Variants in RBFOX1 observed in about 807,000 individuals in gnomAD.
RBFOX1 encodes RNA binding protein fox-1 homolog 1.
In RBFOX1, 8 loss-of-function variants were observed where a neutral mutation model predicts 57.7. That is an observed-to-expected ratio of 0.14 (90% CI 0.08 to 0.25). The LOEUF (loss-of-function observed/expected upper bound fraction) is 0.25. Among genes scored for constraint, RBFOX1 ranks in the 10% least tolerant of loss-of-function variants. RBFOX1 has a pLI of 1.00. For missense variants in RBFOX1, 611 were observed against 548.5 expected, an observed-to-expected ratio of 1.11 and a Z score of -1.14; for synonymous variants, 326 against 222.4, an observed-to-expected ratio of 1.47 and a Z score of -4.15.
chr16:6,898,163 G>T (rs551627601), intron 3 of RBFOX1, among the ~76,000 whole-genome samples: 2 of 152,150 alleles, frequency 1.3e-5, no homozygotes, highest in Non-Finnish European at 2.9e-5. Context: ...CATAATTGAG[G>T]TCGTAGCCAA....
At chr16:7,065,312 A>C (rs944240812) in intron 4 of RBFOX1, among the ~76,000 whole-genome samples, 7 of 152,190 alleles carry the variant, frequency 4.6e-5, no homozygotes, top group Middle Eastern at 6.8e-3. Flanking sequence ...GGAGCCGTGT[A>C]ATCTGCTTTC....
chr16:6,599,660 C>T (rs1403815923), intron 2 of RBFOX1, among the ~76,000 whole-genome samples: 2 of 152,248 alleles, frequency 1.3e-5, no homozygotes, highest in African/African-American at 4.8e-5. Context: ...ATTCAGCAGC[C>T]ATATGGCAGA....
At chr16:6,702,956 A>G (rs2062086599) in intron 3 of RBFOX1, among the ~76,000 whole-genome samples, 2 of 152,142 alleles carry the variant, frequency 1.3e-5, no homozygotes. Flanking sequence ...GGCCACCAGC[A>G]TTCTGCTTTC....
intron 3 of RBFOX1, among the ~76,000 whole-genome samples, chr16:7,020,024 G>T (rs1020977918): frequency 6.6e-6 from 1 of 150,638 alleles, no homozygotes; most frequent in Non-Finnish European, 1.5e-5. Flanking sequence ...CCTCAGGAAG[G>T]CGTCTGTAGT....
intron 2 of RBFOX1, among the ~76,000 whole-genome samples, chr16:5,532,661 C>T (rs1047086988): frequency 6.6e-6 from 1 of 152,202 alleles, no homozygotes; most frequent in Non-Finnish European, 1.5e-5. Flanking sequence ...TAGCAGTTAA[C>T]CACATTTTTC....
At chr16:7,392,845 G>T (rs1197029499) in intron 4 of RBFOX1, among the ~76,000 whole-genome samples, 16 of 145,828 alleles carry the variant, frequency 1.1e-4, no homozygotes, top group Non-Finnish European at 2.4e-4. Context: ...TGTTGTTTTG[G>T]TTTGGTTTGG....
At chr16:5,816,340 A>C (rs188300280) in intron 3 of RBFOX1, among the ~76,000 whole-genome samples, 27 of 152,276 alleles carry the variant, frequency 1.8e-4, no homozygotes, top group Non-Finnish European at 2.4e-4. Context: ...CCTTCCAGGT[A>C]CTTTGGATTC....
chr16:6,871,272 C>G (rs556011704), intron 3 of RBFOX1, among the ~76,000 whole-genome samples: 2 of 152,104 alleles, frequency 1.3e-5, no homozygotes, highest in African/African-American at 4.8e-5. Context: ...TCTAACCTCC[C>G]CCTCCTGGGT....
chr16:7,297,946 TATGCACATAC>T (rs2095934924), intron 4 of RBFOX1, among the ~76,000 whole-genome samples: 3 of 152,148 alleles, frequency 2.0e-5, no homozygotes, highest in Admixed American at 6.5e-5. Flanking sequence ...CGCACATGCA[TATGCACATAC>T]TTCTGTGGAT....
chr16:7,353,854 GT>G (rs2097169443), intron 4 of RBFOX1, among the ~76,000 whole-genome samples: 1 of 152,152 alleles, frequency 6.6e-6, no homozygotes, highest in African/African-American at 2.4e-5. Flanking sequence ...TCTTTTTGAG[GT>G]GATGAAAATG....
chr16:7,091,302 T>A (rs2060812764), intron 4 of RBFOX1, among the ~76,000 whole-genome samples: 1 of 152,136 alleles, frequency 6.6e-6, no homozygotes, highest in South Asian at 2.1e-4. Flanking sequence ...GTGTTCCATT[T>A]ATTCACTGAA....
intron 4 of RBFOX1, among the ~76,000 whole-genome samples, chr16:7,488,273 T>C (rs952046754): frequency 1.3e-5 from 2 of 152,236 alleles, no homozygotes; most frequent in Non-Finnish European, 2.9e-5. Flanking sequence ...GTGAAAGGGA[T>C]GGCTGTGCAG....
At chr16:6,130,416 A>G (rs2096621553) in intron 1 of RBFOX1, among the ~76,000 whole-genome samples, 1 of 152,178 alleles carries the variant, frequency 6.6e-6, no homozygotes, top group South Asian at 2.1e-4. Flanking sequence ...AAATAAATGT[A>G]TATGTAATGC....
chr16:6,229,394 C>T (rs914685913), intron 1 of RBFOX1, among the ~76,000 whole-genome samples: 6 of 152,130 alleles, frequency 3.9e-5, no homozygotes, highest in Non-Finnish European at 7.3e-5. Flanking sequence ...TTGTGGATCT[C>T]GTTTTCCCCC....
rs1274917285 is a variant in RBFOX1, at chr16:7,392,440, C to A, written c.28-125707C>A. Among the ~76,000 whole-genome samples, 8 of 152,276 alleles carry A rather than the reference C, an allele frequency of 5.3e-5. No homozygotes were observed. In the Middle Eastern group the frequency reaches 0.017, roughly 324 times the overall value. ...AGTGTCTGGCTCCTAGTAGGTACTCCACAAGCAGTTATCAAATAAAATTGT... is the reference window on the plus strand; with the variant it reads ...AGTGTCTGGCTCCTAGTAGGTACTCAACAAGCAGTTATCAAATAAAATTGT... On this transcript the variant is annotated intron_variant, in intron 4 of 15. Coordinates refer to ENST00000550418, the MANE Select transcript of RBFOX1 (RefSeq NM_018723.4).
intron 3 of RBFOX1, among the ~76,000 whole-genome samples, chr16:5,744,833 C>G (rs2052912208): frequency 6.6e-6 from 1 of 152,176 alleles, no homozygotes; most frequent in South Asian, 2.1e-4. Context: ...TCTCAGCTCA[C>G]TGCAACTTCT....
At chr16:7,290,010 C>T (rs986358311) in intron 4 of RBFOX1, among the ~76,000 whole-genome samples, 5 of 152,140 alleles carry the variant, frequency 3.3e-5, no homozygotes, top group Non-Finnish European at 7.3e-5. Context: ...TATTATTTTT[C>T]TTCATAGGAG....
intron 3 of RBFOX1, among the ~76,000 whole-genome samples, chr16:6,852,001 C>G (rs1327997120): frequency 6.6e-6 from 1 of 150,580 alleles, no homozygotes; most frequent in East Asian, 2.0e-4. Flanking sequence ...TCTCGGCTCA[C>G]TGCAAGCTCC....
At chr16:6,431,838 A>G (rs1200732058) in intron 2 of RBFOX1, among the ~76,000 whole-genome samples, 1 of 151,728 alleles carries the variant, frequency 6.6e-6, no homozygotes, top group Non-Finnish European at 1.5e-5. Context: ...TTACAGAGTT[A>G]TTGTGATGAT....
Sources: gnomAD v4.1 joint callset for allele counts (sites outside exome capture counted in the v4.1 genomes callset) on GRCh38, gnomAD v4.1.1 for gene constraint, MANE v1.5 for transcripts, NCBI Gene and HGNC (gene_info 2026-07-23, HGNC 2026-07-21) for gene names.